Variants in ACTR3C observed in about 807,000 individuals in gnomAD.
ACTR3C encodes the protein actin related protein 3C.
In ACTR3C, 18 loss-of-function variants were observed where a neutral mutation model predicts 26.3. The ratio of observed to expected loss-of-function variants is 0.68; its 90% CI spans 0.47 to 1.01. ACTR3C has a LOEUF of 1.01. ACTR3C is among the 50% of genes least tolerant of loss of function. ACTR3C has a pLI of 0.00. For missense variants in ACTR3C, 184 were observed against 250.7 expected, an observed-to-expected ratio of 0.73 and a Z score of 1.80; for synonymous variants, 55 against 94.5, an observed-to-expected ratio of 0.58 and a Z score of 2.42.
the ACTR3C span, among the ~76,000 whole-genome samples, chr7:149,944,351 T>C: frequency 3.3e-5 from 5 of 152,014 alleles, no homozygotes; most frequent in Non-Finnish European, 7.3e-5. Context: ...GCCTGAAATA[T>C]CAGCCAATGA....
At chr7:150,118,665 G>A in the ACTR3C span, among the ~76,000 whole-genome samples, 1 of 143,944 alleles carries the variant, frequency 6.9e-6, no homozygotes, top group South Asian at 2.2e-4. Context: ...CACACTTCAG[G>A]ATATTATCCA....
the ACTR3C span, among the ~76,000 whole-genome samples, chr7:150,011,061 G>C: frequency 6.7e-6 from 1 of 148,906 alleles, no homozygotes; most frequent in Non-Finnish European, 1.5e-5. Flanking sequence ...CCTGTGTCTA[G>C]AAAGTTTCTC....
chr7:150,174,986 T>C, the ACTR3C span, among the ~76,000 whole-genome samples: 1,101 of 146,368 alleles, frequency 7.5e-3, 19 homozygotes, highest in Non-Finnish European at 9.8e-3. Context: ...TTTGTAGAAA[T>C]TGATGAGGTG....
chr7:150,067,608 A>G, the ACTR3C span, among the ~76,000 whole-genome samples: 4 of 152,060 alleles, frequency 2.6e-5, no homozygotes, highest in Admixed American at 6.6e-5. Context: ...GAAATCACTT[A>G]CCACCCAGAA....
chr7:150,077,163 C>CAA, the ACTR3C span, among the ~76,000 whole-genome samples: 6 of 150,880 alleles, frequency 4.0e-5, no homozygotes, highest in East Asian at 3.9e-4. Context: ...GAAACTCTGT[C>CAA]AAAAAAAAAT....
chr7:150,188,848 A>G, the ACTR3C span, among the ~76,000 whole-genome samples: 1 of 150,894 alleles, frequency 6.6e-6, no homozygotes, highest in African/African-American at 2.5e-5. Flanking sequence ...AGGTACATTC[A>G]TTGTTGTGGG....
the ACTR3C span, among the ~76,000 whole-genome samples, chr7:150,036,509 A>C: frequency 6.9e-6 from 1 of 145,498 alleles, no homozygotes; most frequent in African/African-American, 2.5e-5. Flanking sequence ...GTAACTCATG[A>C]AAAACTTGCT....
chr7:149,972,619 C>T, the ACTR3C span, among the ~76,000 whole-genome samples: 1 of 152,244 alleles, frequency 6.6e-6, no homozygotes, highest in African/African-American at 2.4e-5. Context: ...TCATCCCTTA[C>T]ACTCTGCTTC....
At chr7:150,276,520 C>G (rs1197237223) in intron 6 of ACTR3C, among the ~76,000 whole-genome samples, 12 of 152,204 alleles carry the variant, frequency 7.9e-5, no homozygotes, top group Non-Finnish European at 1.6e-4. Flanking sequence ...GAAGTCTGAA[C>G]AAATCTATGT....
At chr7:150,131,664 G>A in the ACTR3C span, among the ~76,000 whole-genome samples, 3 of 152,130 alleles carry the variant, frequency 2.0e-5, no homozygotes, top group Non-Finnish European at 4.4e-5. Context: ...TAGTTCATCA[G>A]GTTAAACATG....
At chr7:150,082,980 C>CT in the ACTR3C span, among the ~76,000 whole-genome samples, 3 of 124,622 alleles carry the variant, frequency 2.4e-5, no homozygotes, top group Non-Finnish European at 4.8e-5. Flanking sequence ...AGGGCTCACT[C>CT]TGTCATCCAG....
the ACTR3C span, among the ~76,000 whole-genome samples, chr7:150,035,176 G>A: frequency 1.4e-5 from 2 of 140,686 alleles, no homozygotes; most frequent in African/African-American, 5.3e-5. Flanking sequence ...GGGGGAAGAG[G>A]GTCTGGCTCT....
chr7:150,005,041 G>A, the ACTR3C span: 17 of 152,230 alleles, frequency 1.1e-4, no homozygotes, highest in African/African-American at 2.9e-4. Flanking sequence ...TTCTGGTCAC[G>A]GTCCTGTGCC....
chr7:149,959,869 T>TA, the ACTR3C span, among the ~76,000 whole-genome samples: 1 of 152,198 alleles, frequency 6.6e-6, no homozygotes, highest in Non-Finnish European at 1.5e-5. Context: ...TGAGCGGACA[T>TA]ACACTGTGGT....
At chr7:150,034,332 G>A in the ACTR3C span, among the ~76,000 whole-genome samples, 1 of 151,708 alleles carries the variant, frequency 6.6e-6, no homozygotes, top group South Asian at 2.1e-4. Context: ...AAGTCCAGCT[G>A]CCATCTTTTC....
chr7:149,881,487 TGA>T, the ACTR3C span: 135 of 153,300 alleles, frequency 8.8e-4, 2 homozygotes, highest in East Asian at 0.025. Context: ...GGGGCAGGTC[TGA>T]GAGTGGCTGT....
chr7:150,127,139 G>GACACAC, the ACTR3C span, among the ~76,000 whole-genome samples: 574 of 129,668 alleles, frequency 4.4e-3, 2 homozygotes, highest in Admixed American at 0.015. Flanking sequence ...CCTACCATTA[G>GACACAC]ACACACACAC....
the ACTR3C span, among the ~76,000 whole-genome samples, chr7:150,190,130 G>C: frequency 6.6e-6 from 1 of 152,178 alleles, no homozygotes; most frequent in Admixed American, 6.6e-5. Context: ...ATTTCATTGT[G>C]GTTGGAAGTT....
At chr7:150,282,816 C>CAGTGAGCTGTG (rs1328443581) in intron 6 of ACTR3C, among the ~76,000 whole-genome samples, 2 of 142,664 alleles carry the variant, frequency 1.4e-5, no homozygotes, top group East Asian at 4.0e-4. Flanking sequence ...GTCGAGGCTG[C>CAGTGAGCTGTG]AGTGAGCTGT....
Sources: gnomAD v4.1 joint callset for allele counts (sites outside exome capture counted in the v4.1 genomes callset) on GRCh38, gnomAD v4.1.1 for gene constraint, MANE v1.5 for transcripts, NCBI Gene and HGNC (gene_info 2026-07-23, HGNC 2026-07-21) for gene names.